The following FAM107B variants were observed in gnomAD, a reference collection of about 807,000 sequenced individuals.
The protein encoded by FAM107B is family with sequence similarity 107 member B.
FAM107B carries 21 observed loss-of-function variants against 31.5 expected under a neutral mutation model. The ratio of observed to expected loss-of-function variants is 0.67; its 90% CI spans 0.47 to 0.96. FAM107B has a LOEUF of 0.96. Among genes scored for constraint, FAM107B ranks in the 40% least tolerant of loss-of-function variants. FAM107B has a pLI of 0.00. For missense variants in FAM107B, 452 were observed against 377.1 expected (o/e 1.20, Z -1.64); for synonymous variants, 157 against 141.5 (o/e 1.11, Z -0.78).
chr10:14,529,334 A>G (rs1172080454), intron 3 of FAM107B, among the ~76,000 whole-genome samples: 1 of 152,238 alleles, frequency 6.6e-6, no homozygotes, highest in African/African-American at 2.4e-5. Context: ...AACAGGAGTA[A>G]GCCACATTCT....
At position 14,521,021 on chromosome 10, in the gene FAM107B, T is replaced by A. The variant is rs1266681774; in HGVS notation, c.*169A>T. On this transcript the variant is annotated 3_prime_UTR_variant, in exon 5 of 5. Coordinates refer to ENST00000181796, the MANE Select transcript of FAM107B (RefSeq NM_031453.4). ...ATTTGGCGAATAGGAACTGCAACTG[T>A]CACAGGCAAGGCATCCACCCAGATC... The A allele has an allele frequency of 8.4e-6, 5 of 594,720 alleles. No individual in the cohort carries two copies. Among genetic ancestry groups the A allele is most frequent in the Non-Finnish European group, 1.2e-5 (4 of 338,374 alleles). 36.8% of individuals were successfully genotyped at this position (594,720 alleles called of 1,614,324 possible). A position where few individuals can be genotyped will look rare whatever the true frequency, so the allele number is the denominator to read the frequency against.
chr10:14,654,589 T>C (rs1244575932), intron 2 of FAM107B, among the ~76,000 whole-genome samples: 2 of 152,174 alleles, frequency 1.3e-5, no homozygotes, highest in African/African-American at 4.8e-5. Context: ...AAACAAAATA[T>C]CTGATTATGT....
At chr10:14,693,246 T>G (rs1855186143) in intron 1 of FAM107B, among the ~76,000 whole-genome samples, 1 of 152,080 alleles carries the variant, frequency 6.6e-6, no homozygotes, top group Non-Finnish European at 1.5e-5. Flanking sequence ...GAGGCCAAGG[T>G]GGGTGGATCT....
At position 14,767,041 on chromosome 10, in the gene FAM107B, TATATATATATATATAGAGAG is replaced by T. The variant is rs1380142167; in HGVS notation, c.411+7192_411+7211del. Among the ~76,000 whole-genome samples the T allele has an allele frequency of 3.5e-3, 128 of 36,292 alleles. 2 individuals carry two copies. The East Asian group carries it at 0.1, about 29-fold the overall frequency. 23.8% of individuals were successfully genotyped at this position (36,292 alleles called of 152,430 possible). ...ATGTGTATGTATATATATATATATA[TATATATATATATATAGAGAG>T]AGAGAGAGAGAGAGAGAGAGAGAGA... On this transcript the variant is annotated intron_variant, in intron 1 of 4. Transcript: ENST00000181796.
chr10:14,523,567 A>G (rs1845896364), intron 3 of FAM107B, among the ~76,000 whole-genome samples: 1 of 151,308 alleles, frequency 6.6e-6, no homozygotes, highest in Non-Finnish European at 1.5e-5. Context: ...GACAAGGGAC[A>G]GGGTTGTTCT....
In FAM107B at chr10:14,684,680, G is replaced by A. The variant is rs1854929823; in HGVS notation, c.412-16989C>T. On this transcript the variant is annotated intron_variant, in intron 1 of 4. Coordinates refer to ENST00000181796, the MANE Select transcript of FAM107B (RefSeq NM_031453.4). ...TAGAATGTGATAGAATAAGGGTTTT[G>A]TTCAAAACTGAGACACACTTTTTTA... Among the ~76,000 whole-genome samples the A allele has an allele frequency of 2.6e-5, 4 of 152,110 alleles. No individual in the cohort carries two copies. The South Asian group carries it at 8.3e-4, about 32-fold the overall frequency.
chr10:14,674,595 G>C (rs182293614), intron 1 of FAM107B, among the ~76,000 whole-genome samples: 53 of 152,274 alleles, frequency 3.5e-4, no homozygotes, highest in Middle Eastern at 6.8e-3. Flanking sequence ...CTTAGCGTGA[G>C]TACAAACTCC....
chr10:14,589,917 C>T (rs541198544), intron 2 of FAM107B, among the ~76,000 whole-genome samples: 1 of 152,118 alleles, frequency 6.6e-6, no homozygotes, highest in South Asian at 2.1e-4. Flanking sequence ...GTCTCTATGC[C>T]TCAACATCCT....
intron 1 of FAM107B, among the ~76,000 whole-genome samples, chr10:14,772,353 T>TAA (rs201097631): frequency 0.025 from 3,533 of 142,966 alleles, 164 homozygotes; most frequent in African/African-American, 0.094. Context: ...GACTCCATCT[T>TAA]AAAAAAAAAA....
chr10:14,739,693 A>G (rs570220757), intron 1 of FAM107B, among the ~76,000 whole-genome samples: 1 of 152,222 alleles, frequency 6.6e-6, no homozygotes, highest in Non-Finnish European at 1.5e-5. Flanking sequence ...TGTTTTAGGG[A>G]TAGATACATA....
chr10:14,734,316 A>G (rs1856243123), intron 1 of FAM107B, among the ~76,000 whole-genome samples: 1 of 152,108 alleles, frequency 6.6e-6, no homozygotes, highest in African/African-American at 2.4e-5. Context: ...CTGCAGCCCA[A>G]TTATATTGCC....
intron 2 of FAM107B, among the ~76,000 whole-genome samples, chr10:14,559,269 A>C (rs944026009): frequency 2.6e-5 from 4 of 152,212 alleles, no homozygotes; most frequent in Admixed American, 6.5e-5. Context: ...TTGGTGGACC[A>C]TCTCTTCTCC....
chr10:14,677,335 T>C (rs1383750147), intron 1 of FAM107B, among the ~76,000 whole-genome samples: 1 of 152,170 alleles, frequency 6.6e-6, no homozygotes, highest in East Asian at 1.9e-4. Context: ...AAGCTACAGA[T>C]ACCTGGCCGG....
chr10:14,588,772 G>A (rs1460188499), intron 2 of FAM107B, among the ~76,000 whole-genome samples: 1 of 152,120 alleles, frequency 6.6e-6, no homozygotes, highest in Non-Finnish European at 1.5e-5. Context: ...CAGCTTCAGA[G>A]CTCCCCAGGA....
chr10:14,738,595 C>T (rs1373544907), intron 1 of FAM107B, among the ~76,000 whole-genome samples: 1 of 152,112 alleles, frequency 6.6e-6, no homozygotes, highest in Non-Finnish European at 1.5e-5. Flanking sequence ...GTGTCACACG[C>T]CACCTAAAAA....
At chr10:14,718,716 G>T (rs1855840467) in intron 1 of FAM107B, among the ~76,000 whole-genome samples, 1 of 152,166 alleles carries the variant, frequency 6.6e-6, no homozygotes, top group Non-Finnish European at 1.5e-5. Context: ...TTCCAAAGAA[G>T]AAATGTATCT....
chr10:14,619,037 A>G (rs914471234), intron 2 of FAM107B, among the ~76,000 whole-genome samples: 1 of 152,136 alleles, frequency 6.6e-6, no homozygotes, highest in African/African-American at 2.4e-5. Context: ...GATTGCCAGC[A>G]AGTACCAGAG....
At chr10:14,522,276 C>T (rs748485203) in intron 3 of FAM107B, 6 of 454,246 alleles carry the variant, frequency 1.3e-5, no homozygotes, top group East Asian at 8.5e-5. Flanking sequence ...GTGCAAGACA[C>T]TAGGCTACGC....
chr10:14,711,703 G>A (rs979315171), intron 1 of FAM107B, among the ~76,000 whole-genome samples: 2 of 152,138 alleles, frequency 1.3e-5, no homozygotes, highest in Non-Finnish European at 2.9e-5. Context: ...GGGTGCAGTG[G>A]TGTGATCTCA....
Sources: gnomAD v4.1 joint callset for allele counts (sites outside exome capture counted in the v4.1 genomes callset) on GRCh38, gnomAD v4.1.1 for gene constraint, MANE v1.5 for transcripts, NCBI Gene and HGNC (gene_info 2026-07-23, HGNC 2026-07-21) for gene names.